The following SEZ6L variants were observed in gnomAD, a reference collection of about 807,000 sequenced individuals.
The protein encoded by SEZ6L is seizure related 6 homolog like.
In SEZ6L, 37 loss-of-function variants were observed where a neutral mutation model predicts 106.2. That is an observed-to-expected ratio of 0.35 (90% CI 0.27 to 0.46). SEZ6L has a LOEUF of 0.46. SEZ6L is among the 20% of genes least tolerant of loss of function. The probability of loss-of-function intolerance (pLI) is 1.00; values close to 1 mark genes in which losing one functional copy is unlikely to be tolerated. For missense variants in SEZ6L, 1,172 were observed against 1,332.8 expected, an observed-to-expected ratio of 0.88 and a Z score of 1.88; for synonymous variants, 541 against 570.4, an observed-to-expected ratio of 0.95 and a Z score of 0.73.
intron 1 of SEZ6L, among the ~76,000 whole-genome samples, chr22:26,258,059 C>G (rs1254504527): frequency 6.6e-6 from 1 of 152,184 alleles, no homozygotes; most frequent in East Asian, 1.9e-4. Flanking sequence ...CGGAATGAGT[C>G]TGTCATCTCC....
At chr22:26,363,401 T>C (rs778573486) in intron 12 of SEZ6L, among the ~76,000 whole-genome samples, 16 of 152,228 alleles carry the variant, frequency 1.1e-4, no homozygotes, top group Non-Finnish European at 1.9e-4. Context: ...GTACTATTTA[T>C]GTTGTTGGCA....
Position 26,169,782 on chromosome 22 carries a change from G to C in SEZ6L, c.94+19G>C. ...GAGCGAGGTAAGCGCCCCGAGGGGC[G>C]GGGCGGGCAGGGGGCAAAGTTGCCG... On this transcript the variant is annotated intron_variant, in intron 1 of 16. Transcript: ENST00000248933. 8.3e-7 allele frequency: 1 copy of C among 1,203,402 alleles called. No homozygotes were observed. The highest frequency in any genetic ancestry group is 3.2e-4 in the Middle Eastern group (1 of 3,164). 74.5% of individuals were successfully genotyped at this position (1,203,402 alleles called of 1,614,324 possible). A position where few individuals can be genotyped will look rare whatever the true frequency, so the allele number is the denominator to read the frequency against.
intron 1 of SEZ6L, among the ~76,000 whole-genome samples, chr22:26,284,663 T>C (rs886800391): frequency 2.1e-5 from 3 of 143,892 alleles, no homozygotes; most frequent in Non-Finnish European, 4.6e-5. Flanking sequence ...AGATTACAAT[T>C]AACACTGATA....
At chr22:26,305,920 C>A in intron 5 of SEZ6L, 59 bp from the exon 6 acceptor site, 1 of 1,457,052 alleles carries the variant, frequency 6.9e-7, no homozygotes, top group South Asian at 1.2e-5. Context: ...CTCTGTCTCT[C>A]TCCTCTCTCT....
intron 12 of SEZ6L, among the ~76,000 whole-genome samples, chr22:26,357,513 T>C (rs1307259782): frequency 6.6e-6 from 1 of 152,196 alleles, no homozygotes; most frequent in African/African-American, 2.4e-5. Context: ...TGTGTTTCTG[T>C]CCTCAGAATT....
chr22:26,352,619 G>A (rs1001524275), intron 12 of SEZ6L, among the ~76,000 whole-genome samples: 15 of 152,172 alleles, frequency 9.9e-5, no homozygotes, highest in African/African-American at 9.7e-5. Flanking sequence ...GCAACTCTAC[G>A]ATTTAGACGA....
chr22:26,211,804 T>TA (rs56124325), intron 1 of SEZ6L, among the ~76,000 whole-genome samples: 16,415 of 47,874 alleles, frequency 0.34, 3,200 homozygotes, highest in Middle Eastern at 0.5. Flanking sequence ...ACCTCGTCTC[T>TA]AAAAAAAAAA....
At chr22:26,222,714 G>C (rs1261663636) in intron 1 of SEZ6L, among the ~76,000 whole-genome samples, 1 of 152,158 alleles carries the variant, frequency 6.6e-6, no homozygotes, top group African/African-American at 2.4e-5. Context: ...ATTTGAAAAT[G>C]GGTTTACATA....
chr22:26,320,179 T>C (rs1025019812), intron 9 of SEZ6L, among the ~76,000 whole-genome samples: 3 of 152,168 alleles, frequency 2.0e-5, no homozygotes, highest in Non-Finnish European at 2.9e-5. Flanking sequence ...AATCAGAATA[T>C]CTAGCGGGAG....
intron 1 of SEZ6L, 43 bp from the exon 2 acceptor site, chr22:26,292,363 T>C (rs1011183148): frequency 3.3e-6 from 5 of 1,520,454 alleles, no homozygotes; most frequent in Non-Finnish European, 4.5e-6. Context: ...GTGAAGGTCC[T>C]AAATCTCCCC....
At chr22:26,235,909 T>C (rs1021056428) in intron 1 of SEZ6L, among the ~76,000 whole-genome samples, 1 of 152,336 alleles carries the variant, frequency 6.6e-6, no homozygotes, top group East Asian at 1.9e-4. Context: ...AAACTCTGGC[T>C]GCAAAGTGAC....
intron 1 of SEZ6L, among the ~76,000 whole-genome samples, chr22:26,249,935 T>A (rs1012772060): frequency 6.6e-6 from 1 of 152,224 alleles, no homozygotes; most frequent in African/African-American, 2.4e-5. Context: ...TGTTGAACAT[T>A]TTTTCATATA....
intron 9 of SEZ6L, among the ~76,000 whole-genome samples, chr22:26,321,211 T>C (rs1042007990): frequency 1.3e-5 from 2 of 152,214 alleles, no homozygotes; most frequent in Non-Finnish European, 2.9e-5. Flanking sequence ...TATCTCCATT[T>C]TCCAGATGAG....
chr22:26,290,538 AT>A (rs2081077337), intron 1 of SEZ6L, among the ~76,000 whole-genome samples: 1 of 140,092 alleles, frequency 7.1e-6, no homozygotes, highest in South Asian at 2.2e-4. Flanking sequence ...TCTCAAAAAA[AT>A]AAATAAAATA....
intron 1 of SEZ6L, among the ~76,000 whole-genome samples, chr22:26,198,795 C>T (rs967003298): frequency 2.0e-5 from 3 of 152,200 alleles, no homozygotes; most frequent in African/African-American, 4.8e-5. Context: ...TCCTTTAGGA[C>T]CTGTGAAGCT....
chr22:26,174,162 A>T (rs959279302), intron 1 of SEZ6L, among the ~76,000 whole-genome samples: 1 of 152,182 alleles, frequency 6.6e-6, no homozygotes, highest in Admixed American at 6.5e-5. Flanking sequence ...GATATCAGAC[A>T]TCTATGGGAC....
At position 26,271,108 on chromosome 22, in the gene SEZ6L, C is replaced by G. The variant is rs140220416; in HGVS notation, c.95-21298C>G. ...GTGCACATGTGTCTGGGTTTTTATT[C>G]AAACCATTCATTCGGTGCTTAGCAT... On this transcript the variant is annotated intron_variant, in intron 1 of 16. Coordinates refer to ENST00000248933, the MANE Select transcript of SEZ6L (RefSeq NM_021115.5). Among the ~76,000 whole-genome samples, 524 of 152,288 alleles carry G rather than the reference C, an allele frequency of 3.4e-3. 3 individuals are homozygous for G. Among genetic ancestry groups the G allele is most frequent in the African/African-American group, 0.012 (485 of 41,556 alleles).
At chr22:26,195,027 T>G (rs1940487323) in intron 1 of SEZ6L, among the ~76,000 whole-genome samples, 1 of 152,206 alleles carries the variant, frequency 6.6e-6, no homozygotes, top group Non-Finnish European at 1.5e-5. Context: ...AATAGAAAGA[T>G]GCTCTGTGCT....
At chr22:26,234,248 A>G (rs2078888820) in intron 1 of SEZ6L, among the ~76,000 whole-genome samples, 1 of 152,150 alleles carries the variant, frequency 6.6e-6, no homozygotes, top group Non-Finnish European at 1.5e-5. Context: ...GGAAAGACAG[A>G]TTGGCCCGAA....
Sources: gnomAD v4.1 joint callset for allele counts (sites outside exome capture counted in the v4.1 genomes callset) on GRCh38, gnomAD v4.1.1 for gene constraint, MANE v1.5 for transcripts, NCBI Gene and HGNC (gene_info 2026-07-23, HGNC 2026-07-21) for gene names.